Variants in FAM234A observed in about 807,000 individuals in gnomAD.
FAM234A encodes the protein protein FAM234A.
Under a neutral mutation model 49.1 loss-of-function variants are expected in FAM234A, and 42 were observed. That is an observed-to-expected ratio of 0.86 (90% CI 0.67 to 1.11). FAM234A has a LOEUF of 1.11. FAM234A is among the 50% of genes least tolerant of loss of function. FAM234A has a pLI of 0.00. For missense variants in FAM234A, 815 were observed against 745.2 expected (o/e 1.09, Z -1.09); for synonymous variants, 369 against 316.2 (o/e 1.17, Z -1.77).
chr16:237,956 G>A lies in FAM234A; in HGVS notation c.-140+3099G>A, dbSNP rs567293816. On this transcript the variant is annotated intron_variant, in intron 1 of 12. Transcript: ENST00000399932. ...TGGCCTCAGGTGATCCTCCCGCCTC[G>A]GCCTCCCAAAGTGCTAGGGTTACAG... is the stretch of plus-strand genomic sequence containing the variant. Among the ~76,000 whole-genome samples the A allele has an allele frequency of 5.3e-4, 81 of 151,808 alleles. No homozygotes were observed. The Middle Eastern group carries it at 0.014, about 25-fold the overall frequency.
intron 5 of FAM234A, chr16:260,406 C>T (rs1567222884): frequency 3.5e-6 from 2 of 567,660 alleles, no homozygotes; most frequent in Non-Finnish European, 6.5e-6. Context: ...TGGGCTGTAA[C>T]ACACAGGGGC....
At chr16:269,888 C>T (rs915488432), downstream of FAM234A, 1 of 343,342 alleles carries the variant, frequency 2.9e-6, no homozygotes, top group Non-Finnish European at 5.4e-6. Flanking sequence ...CTCCGTGTGC[C>T]CCACAGAGTG....
At chr16:251,214 T>C (rs556163844) in intron 2 of FAM234A, among the ~76,000 whole-genome samples, 102 of 152,298 alleles carry the variant, frequency 6.7e-4, no homozygotes, top group African/African-American at 2.3e-3. Context: ...CCTTGGCCTC[T>C]CAAAGTGTTG....
chr16:263,070 G>A (rs559823350), intron 8 of FAM234A, among the ~76,000 whole-genome samples, 192 bp from the exon 9 acceptor site: 1 of 152,050 alleles, frequency 6.6e-6, no homozygotes, highest in South Asian at 2.1e-4. Context: ...CGCCCGCCTC[G>A]GCCTCCCAAA....
chr16:246,534 C>A (rs2050814081), intron 1 of FAM234A, among the ~76,000 whole-genome samples: 1 of 148,446 alleles, frequency 6.7e-6, no homozygotes, highest in Non-Finnish European at 1.5e-5. Flanking sequence ...ATTCTCCTGC[C>A]TCAGCCTCCC....
chr16:259,490 T>C lies in FAM234A; in HGVS notation c.276T>C (p.Tyr92=). The part of the protein sequence containing the change: ...WRIDYSAAVI[Y]DFLAVDDING... ...TGTGGTTTTCTCTTTCAGTTATCTATGACTTTCTGGCTGTGGATGATATAA... is the reference window on the plus strand; with the variant it reads ...TGTGGTTTTCTCTTTCAGTTATCTACGACTTTCTGGCTGTGGATGATATAA... The change falls in exon 4 of 13, where the codon TAT becomes TAC. Residue 92 remains tyrosine (Y), a synonymous_variant. Coordinates refer to ENST00000399932, the MANE Select transcript of FAM234A (RefSeq NM_032039.4). 6.3e-7 allele frequency: 1 copy of C among 1,591,616 alleles called. No homozygotes were observed. The highest frequency in any genetic ancestry group is 8.6e-7 in the Non-Finnish European group (1 of 1,159,968).
At chr16:257,209 C>T (rs2051268684) in intron 3 of FAM234A, among the ~76,000 whole-genome samples, 1 of 148,294 alleles carries the variant, frequency 6.7e-6, no homozygotes. Context: ...TCCTTCGATG[C>T]ATAAAAGCTT....
rs1567222245 is a variant in FAM234A at position 259,953 on chromosome 16, G to C, written c.386-16G>C. The C allele has an allele frequency of 1.2e-6, 2 of 1,608,604 alleles. No homozygotes were observed. The highest frequency in any genetic ancestry group is 2.2e-5 in the South Asian group (2 of 90,938). ...CAGATGGTGCAACAGTGAGGTGCCG[G>C]TGTCTCTCCCTACAGGCTTTTCCTC... On this transcript the variant is annotated splice_polypyrimidine_tract_variant and intron_variant, in intron 4 of 12. Transcript: ENST00000399932.
chr16:235,731 C>T (rs112047413), intron 1 of FAM234A, among the ~76,000 whole-genome samples: 4 of 152,124 alleles, frequency 2.6e-5, no homozygotes, highest in African/African-American at 9.7e-5. Context: ...AAATACTCTC[C>T]GAGTGTCTGC....
At chr16:257,680 G>C (rs553984621) in intron 3 of FAM234A, among the ~76,000 whole-genome samples, 1 of 151,072 alleles carries the variant, frequency 6.6e-6, no homozygotes, top group Non-Finnish European at 1.5e-5. Flanking sequence ...TCATTTTTGT[G>C]CATGACGTAA....
chr16:235,263 T>C (rs1567202923), intron 1 of FAM234A, among the ~76,000 whole-genome samples: 1 of 152,082 alleles, frequency 6.6e-6, no homozygotes, highest in African/African-American at 2.4e-5. Context: ...CTGAGAGTGT[T>C]TTTTTATGGT....
intron 2 of FAM234A, among the ~76,000 whole-genome samples, chr16:253,215 C>G (rs1346630842): frequency 6.6e-6 from 1 of 152,284 alleles, no homozygotes; most frequent in South Asian, 2.1e-4. Flanking sequence ...CGCATCCACC[C>G]CCGGTCCGGC....
At chr16:259,626 G>GA in intron 4 of FAM234A, 27 bp downstream of exon 4, 1 of 1,365,116 alleles carries the variant, frequency 7.3e-7, no homozygotes, top group East Asian at 2.3e-5. Context: ...TGAAAAAGGC[G>GA]GAGCTCCCTG....
intron 2 of FAM234A, among the ~76,000 whole-genome samples, chr16:252,798 T>C (rs2141269063): frequency 6.6e-6 from 1 of 152,332 alleles, no homozygotes; most frequent in South Asian, 2.1e-4. Context: ...GTCCCTTATC[T>C]CTCTGTCTTC....
At chr16:257,161 G>A (rs1336851312) in intron 3 of FAM234A, among the ~76,000 whole-genome samples, 1 of 151,080 alleles carries the variant, frequency 6.6e-6, no homozygotes, top group African/African-American at 2.4e-5. Flanking sequence ...CTACCGGTGT[G>A]AACCACCACG....
chr16:238,912 A>G lies in FAM234A; in HGVS notation c.-140+4055A>G, dbSNP rs1347184671. Reference sequence around the variant, plus strand: ...ATCCTGGCTAACATGGTGAAACCCCATCTCTACAAAAAAAAAAAAATTAGC... The same window carrying G: ...ATCCTGGCTAACATGGTGAAACCCCGTCTCTACAAAAAAAAAAAAATTAGC... On this transcript the variant is annotated intron_variant, in intron 1 of 12. Transcript: ENST00000399932. 3.1e-4 allele frequency among the ~76,000 whole-genome samples: 43 copies of G among 139,852 alleles called. 1 individual carries two copies. The highest frequency in any genetic ancestry group is 5.4e-4 in the Non-Finnish European group (35 of 64,662). 91.7% of individuals were successfully genotyped at this position (139,852 alleles called of 152,430 possible).
chr16:252,326 C>T (rs936764863), intron 2 of FAM234A, among the ~76,000 whole-genome samples: 2 of 151,664 alleles, frequency 1.3e-5, no homozygotes, highest in East Asian at 2.0e-4. Flanking sequence ...GGACTACAGG[C>T]GCCCGCCACC....
intron 4 of FAM234A, 82 bp from the exon 5 acceptor site, chr16:259,887 A>T (rs1567222190): frequency 1.5e-6 from 2 of 1,294,622 alleles, no homozygotes. Flanking sequence ...AGGAAAACAG[A>T]CCTGGAACAG....
chr16:245,384 C>A (rs2050769323), intron 1 of FAM234A, among the ~76,000 whole-genome samples: 1 of 152,126 alleles, frequency 6.6e-6, no homozygotes, highest in Admixed American at 6.6e-5. Flanking sequence ...TTGTTAATGT[C>A]ATTGGTCCTG....
Sources: gnomAD v4.1 joint callset for allele counts (sites outside exome capture counted in the v4.1 genomes callset) on GRCh38, gnomAD v4.1.1 for gene constraint, MANE v1.5 for transcripts, NCBI Gene and HGNC (gene_info 2026-07-23, HGNC 2026-07-21) for gene names.